ABCA4: variants seen among roughly 807,000 people sequenced by gnomAD.
ABCA4 encodes the protein retinal-specific phospholipid-transporting ATPase ABCA4.
A neutral mutation model predicts 263.7 loss-of-function variants in ABCA4; 196 were observed. The ratio of observed to expected loss-of-function variants is 0.74; its 90% confidence interval spans 0.66 to 0.84. The LOEUF (loss-of-function observed/expected upper bound fraction) is 0.84. ABCA4 is among the 40% of genes least tolerant of loss of function. The probability of loss-of-function intolerance (pLI) is 0.00; values close to 1 mark genes in which losing one functional copy is unlikely to be tolerated. For synonymous variants in ABCA4, 1,133 were observed against 1,094.2 expected (o/e 1.04, Z -0.70); for missense variants, 2,792 against 2,855.1 (o/e 0.98, Z 0.50).
intron 29 of ABCA4, 60 bp downstream of exon 29, chr1:94,030,368 C>G: frequency 6.7e-7 from 1 of 1,502,376 alleles, no homozygotes; most frequent in Non-Finnish European, 9.2e-7. Context: ...ATCTTGAACC[C>G]ACCGTTGGGT....
At chr1:94,077,665 C>T (rs1661571154) in intron 11 of ABCA4, 25 bp downstream of exon 11, 3 of 1,593,314 alleles carry the variant, frequency 1.9e-6, no homozygotes, top group South Asian at 1.1e-5. Flanking sequence ...TCAAGGGGCC[C>T]ACTGTGGGGC....
intron 8 of ABCA4, 55 bp from the exon 9 acceptor site, chr1:94,079,516 A>G: frequency 8.7e-6 from 14 of 1,611,432 alleles, no homozygotes; most frequent in Non-Finnish European, 1.2e-5. Flanking sequence ...TTGTAACTCA[A>G]TATAGTCATT....
chr1:94,033,727 C>T (rs568814653), intron 26 of ABCA4, among the ~76,000 whole-genome samples: 26 of 152,146 alleles, frequency 1.7e-4, no homozygotes, highest in Non-Finnish European at 2.5e-4. Flanking sequence ...TTACCTATGA[C>T]GTGCCAGGCC....
chr1:94,102,898 G>A (rs1662321022), intron 5 of ABCA4, 117 bp downstream of exon 5: 2 of 1,427,612 alleles, frequency 1.4e-6, no homozygotes, highest in East Asian at 2.3e-5. Context: ...ATTAAGTGAT[G>A]GATTCTGAAT....
At chr1:94,087,939 A>T (rs1156291777) in intron 6 of ABCA4, among the ~76,000 whole-genome samples, 2 of 152,178 alleles carry the variant, frequency 1.3e-5, no homozygotes, top group Non-Finnish European at 2.9e-5. Flanking sequence ...TGCTGTGTAT[A>T]CGTGCAAGAT....
chr1:94,049,986 C>T (rs1276771419), intron 17 of ABCA4, among the ~76,000 whole-genome samples: 3 of 152,212 alleles, frequency 2.0e-5, no homozygotes, highest in African/African-American at 7.2e-5. Context: ...TGTCACCAGG[C>T]ATCCAAGGGC....
chr1:94,060,154 A>C (rs1557785978), intron 14 of ABCA4, among the ~76,000 whole-genome samples: 1 of 152,210 alleles, frequency 6.6e-6, no homozygotes, highest in Non-Finnish European at 1.5e-5. Context: ...CAGTAGTTAA[A>C]ATTGTAAGCC....
At chr1:94,046,780 A>G in intron 19 of ABCA4, 139 bp downstream of exon 19, 4 of 1,031,940 alleles carry the variant, frequency 3.9e-6, no homozygotes, top group Non-Finnish European at 5.9e-6. Flanking sequence ...ATACTGCAGA[A>G]AGCTTTTACA....
At chr1:94,011,434 CCT>C (rs61754660) in intron 38 of ABCA4, 49 bp from the exon 39 acceptor site, 17 of 1,604,962 alleles carry the variant, frequency 1.1e-5, no homozygotes, top group South Asian at 3.3e-5. Flanking sequence ...CCCCACCCCC[CCT>C]CTCTTCAGCA....
Position 94,062,641 on chromosome 1 carries a change from G to T in ABCA4, c.1873C>A (p.Gln625Lys). 6.2e-7 allele frequency: 1 copy of T among 1,614,196 alleles called. No homozygotes were observed. Among genetic ancestry groups the T allele is most frequent in the Non-Finnish European group, 8.5e-7 (1 of 1,180,038 alleles). ...TAGATTCCAACTGGAGCCTCCGCCT[G>T]CACCTGGCTCCTTGTGATCCCCTGT... ...VEQGITRSQV[Q>K]AEAPVGIYLQ... Residue 625 changes from glutamine (Q) to lysine (K), a missense_variant, in exon 13 of 50, where the codon CAG (glutamine) becomes AAG (lysine). Coordinates refer to ENST00000370225, the MANE Select transcript of ABCA4 (RefSeq NM_000350.3).
intron 15 of ABCA4, among the ~76,000 whole-genome samples, 167 bp from the exon 16 acceptor site, chr1:94,055,482 G>A (rs1213826786): frequency 2.0e-5 from 3 of 152,124 alleles, no homozygotes; most frequent in Non-Finnish European, 1.5e-5. Flanking sequence ...TGACGGCCAG[G>A]GGGAGTTCAG....
At chr1:94,022,693 T>C (rs1351724284) in intron 32 of ABCA4, among the ~76,000 whole-genome samples, 1 of 152,118 alleles carries the variant, frequency 6.6e-6, no homozygotes, top group Admixed American at 6.5e-5. Context: ...CAGAACAGAA[T>C]GAATTAGCTG....
intron 21 of ABCA4, 137 bp from the exon 22 acceptor site, chr1:94,043,035 A>G: frequency 3.8e-6 from 5 of 1,325,962 alleles, no homozygotes; most frequent in Non-Finnish European, 5.3e-6. Flanking sequence ...TATAGCGTTC[A>G]AAGCCCTAAT....
intron 16 of ABCA4, among the ~76,000 whole-genome samples, chr1:94,053,368 TAGG>T (rs1309951411): frequency 6.6e-6 from 1 of 152,140 alleles, no homozygotes; most frequent in Non-Finnish European, 1.5e-5. Context: ...CCCATTAATA[TAGG>T]AGAATTGGTT....
chr1:94,015,213 A>C (rs1659694510), intron 37 of ABCA4, among the ~76,000 whole-genome samples: 1 of 152,178 alleles, frequency 6.6e-6, no homozygotes, highest in South Asian at 2.1e-4. Context: ...GCCGAGATGG[A>C]TGAATTACTC....
intron 45 of ABCA4, chr1:94,001,627 A>C (rs1416131645): frequency 1.4e-6 from 1 of 691,166 alleles, no homozygotes; most frequent in Non-Finnish European, 2.6e-6. Flanking sequence ...ACATCCTGGG[A>C]ACGCAGGATG....
chr1:94,062,462 C>T lies in ABCA4; in HGVS notation c.1937+115G>A, dbSNP rs185733427. On this transcript the variant is annotated intron_variant, in intron 13 of 49. Coordinates refer to ENST00000370225, the MANE Select transcript of ABCA4 (RefSeq NM_000350.3). ...CCATGCTCTCCAATTTGGCTCTGGTCCCTGGGGCTCTCTCTAAAGACATGG... is the reference window on the plus strand; with the variant it reads ...CCATGCTCTCCAATTTGGCTCTGGTTCCTGGGGCTCTCTCTAAAGACATGG... The T allele has an allele frequency of 5.7e-4, 761 of 1,329,934 alleles. 5 individuals are homozygous for T. In the African/African-American group the frequency reaches 9.9e-3, roughly 17 times the overall value. The allele number at this position is 1,329,934 out of a possible 1,614,324, so 82.4% of individuals were successfully genotyped here.
intron 6 of ABCA4, among the ~76,000 whole-genome samples, chr1:94,095,471 G>A (rs1194124286): frequency 2.0e-5 from 3 of 152,144 alleles, no homozygotes; most frequent in African/African-American, 4.8e-5. Flanking sequence ...GCCTACGTGC[G>A]TATGAGAAAC....
intron 1 of ABCA4, among the ~76,000 whole-genome samples, chr1:94,115,405 C>T (rs895502694): frequency 4.6e-5 from 7 of 152,182 alleles, no homozygotes; most frequent in African/African-American, 1.4e-4. Context: ...TTAACAACCA[C>T]TTTGGGGCTT....
Sources: allele counts gnomAD v4.1 joint callset (sites outside exome capture counted in the v4.1 genomes callset), GRCh38; gene constraint gnomAD v4.1.1; transcripts MANE v1.5; gene names NCBI Gene and HGNC (gene_info 2026-07-23, HGNC 2026-07-21).